C1orf141: variants seen among roughly 807,000 people sequenced by gnomAD.
C1orf141 encodes the protein chromosome 1 open reading frame 141, also known as uncharacterized protein C1orf141.
A neutral mutation model predicts 23.2 loss-of-function variants in C1orf141; 19 were observed. The ratio of observed to expected loss-of-function variants is 0.82; its 90% CI spans 0.57 to 1.20. C1orf141 has a LOEUF of 1.20. Ranked by LOEUF, C1orf141 falls within the 50% of genes most tolerant of loss-of-function variation. The pLI is 0.00. For synonymous variants in C1orf141, 153 were observed against 154.6 expected (o/e 0.99, Z 0.08); for missense variants, 469 against 455.1 (o/e 1.03, Z -0.28).
chr1:67,113,876 A>T (rs1646133320), intron 5 of C1orf141: 2 of 375,962 alleles, frequency 5.3e-6, no homozygotes, highest in South Asian at 2.2e-5. Flanking sequence ...AATATTTTTT[A>T]AAGTCTAAAG....
At chr1:67,124,708 T>C (rs1228113180) in intron 4 of C1orf141, among the ~76,000 whole-genome samples, 1 of 152,136 alleles carries the variant, frequency 6.6e-6, no homozygotes, top group African/African-American at 2.4e-5. Flanking sequence ...CAAGGTCACA[T>C]AGCTAACAAG....
At chr1:67,107,746 C>T (rs1320102047) in intron 5 of C1orf141, among the ~76,000 whole-genome samples, 5 of 152,064 alleles carry the variant, frequency 3.3e-5, no homozygotes, top group African/African-American at 9.7e-5. Flanking sequence ...AACAATTAGC[C>T]GGGCGTGGTG....
intron 4 of C1orf141, among the ~76,000 whole-genome samples, chr1:67,124,485 T>A (rs1455932292): frequency 6.6e-6 from 1 of 152,026 alleles, no homozygotes; most frequent in Non-Finnish European, 1.5e-5. Flanking sequence ...GATAATTTTT[T>A]AAAAATATAT....
intron 5 of C1orf141, among the ~76,000 whole-genome samples, chr1:67,111,083 G>T (rs1646060096): frequency 6.6e-6 from 1 of 151,900 alleles, no homozygotes; most frequent in East Asian, 1.9e-4. Flanking sequence ...TCACTCTTCA[G>T]CATGCCCATG....
rs2102511951 is a variant in C1orf141, at chr1:67,133,047, T to C, written c.-103-1820A>G. Among the ~76,000 whole-genome samples, 3 of 152,332 alleles carry C rather than the reference T, an allele frequency of 2.0e-5. No homozygotes were observed. The East Asian group carries it at 5.8e-4, about 29-fold the overall frequency. On this transcript the variant is annotated intron_variant, in intron 1 of 7. Coordinates refer to ENST00000684719, the MANE Select transcript of C1orf141 (RefSeq NM_001276351.2). Reference sequence around the variant, plus strand: ...ATTGTAGGTCAATATTATTAGCATATCAGAGACTAAGTCATATCTAAAATA... The same window carrying C: ...ATTGTAGGTCAATATTATTAGCATACCAGAGACTAAGTCATATCTAAAATA...
intron 5 of C1orf141, among the ~76,000 whole-genome samples, chr1:67,114,271 T>C (rs1280649372): frequency 1.5e-5 from 2 of 136,656 alleles, no homozygotes; most frequent in Non-Finnish European, 3.1e-5. Flanking sequence ...ACTGCCTCCA[T>C]ATACCTGGCA....
At chr1:67,129,719 T>C (rs1646483607) in intron 2 of C1orf141, among the ~76,000 whole-genome samples, 1 of 152,170 alleles carries the variant, frequency 6.6e-6, no homozygotes. Context: ...GCAGCTGAAA[T>C]TGACTGCTGT....
chr1:67,127,190 C>T lies in C1orf141; in HGVS notation c.51G>A (p.Glu17=), dbSNP rs753521865. ...CCTTTGTTCTTCTGGCCAAGATTATCTCTGCTTGCTTATCAAGGACATCCA... is the reference window on the plus strand; with the variant it reads ...CCTTTGTTCTTCTGGCCAAGATTATTTCTGCTTGCTTATCAAGGACATCCA... ...EKLDVLDKQA[E]IILARRTKIN... is the part of the protein sequence containing the mutation. The change falls in exon 3 of 8, where the codon GAG becomes GAA. Residue 17 remains glutamate, a synonymous_variant. Coordinates refer to ENST00000684719, the MANE Select transcript of C1orf141 (RefSeq NM_001276351.2). The T allele has an allele frequency of 2.0e-5, 32 of 1,609,030 alleles. No individual in the cohort carries two copies. The African/African-American group carries it at 3.9e-4, about 19-fold the overall frequency.
intron 5 of C1orf141, among the ~76,000 whole-genome samples, chr1:67,110,261 A>C (rs907669817): frequency 6.6e-6 from 1 of 152,094 alleles, no homozygotes; most frequent in South Asian, 2.1e-4. Context: ...GGGAATCAGG[A>C]GTTAGTGATT....
chr1:67,121,772 T>C (rs1421386294), intron 4 of C1orf141: 1 of 152,058 alleles, frequency 6.6e-6, no homozygotes, highest in Non-Finnish European at 1.5e-5. Flanking sequence ...ACTGTACCCA[T>C]ATAAGAGAAA....
chr1:67,132,927 A>G (rs1323652025), intron 1 of C1orf141, among the ~76,000 whole-genome samples: 1 of 152,222 alleles, frequency 6.6e-6, no homozygotes, highest in Non-Finnish European at 1.5e-5. Context: ...ACACAATGAA[A>G]TAGAGGCCAT....
At chr1:67,136,932 T>C (rs1000608769), upstream of C1orf141, among the ~76,000 whole-genome samples, 2 of 152,342 alleles carry the variant, frequency 1.3e-5, no homozygotes, top group East Asian at 1.9e-4. Flanking sequence ...AAATTCAGTA[T>C]TTACTGAATG....
Position 67,093,514 on chromosome 1 carries a change from A to G in C1orf141, c.694T>C (p.Leu232=). ...TGTGGGTAAATGTTTTCATTTTCCA[A>G]AGGATGAGAAGAAAATCTATTTTTT... is the stretch of plus-strand genomic sequence containing the variant. The part of the protein sequence containing the change: ...LTKNRFSSHP[L]ENENIYPHKR... The change falls in exon 8 of 8, where the codon TTG becomes CTG. Residue 232 remains leucine, a synonymous_variant. Coordinates refer to ENST00000684719, the MANE Select transcript of C1orf141 (RefSeq NM_001276351.2). 6.2e-7 allele frequency: 1 copy of G among 1,606,630 alleles called. No homozygotes were observed. Among genetic ancestry groups the G allele is most frequent in the Non-Finnish European group, 8.5e-7 (1 of 1,174,886 alleles).
chr1:67,127,303 A>G (rs2102497091), intron 2 of C1orf141, 46 bp from the exon 3 acceptor site: 1 of 1,090,116 alleles, frequency 9.2e-7, no homozygotes, highest in South Asian at 1.4e-5. Context: ...TTCAAATTTA[A>G]ACATAAAACT....
intron 4 of C1orf141, chr1:67,123,455 G>T (rs1319328890): frequency 6.6e-6 from 1 of 151,944 alleles, no homozygotes; most frequent in African/African-American, 2.4e-5. Context: ...TTTGTCTCTT[G>T]TCATATTTTT....
chr1:67,114,398 G>T (rs1346431732), intron 5 of C1orf141, among the ~76,000 whole-genome samples: 1 of 151,880 alleles, frequency 6.6e-6, no homozygotes, highest in Admixed American at 6.6e-5. Flanking sequence ...AAGATAATAA[G>T]ACACATAAGG....
chr1:67,106,285 A>T (rs1270891522), intron 5 of C1orf141, among the ~76,000 whole-genome samples: 10 of 152,112 alleles, frequency 6.6e-5, no homozygotes, highest in Admixed American at 6.6e-4. Flanking sequence ...ATAAAAGATA[A>T]CCCAACAAGA....
Position 67,125,930 on chromosome 1 carries a change from A to G in C1orf141, c.76-21T>C, listed in dbSNP as rs1017824213. 2.1e-4 allele frequency: 42 copies of G among 200,950 alleles called. No homozygotes were observed. In the East Asian group the frequency reaches 2.4e-3, roughly 12 times the overall value. The allele number at this position is 200,950 out of a possible 1,614,324, so 12.4% of individuals were successfully genotyped here. A position where few individuals can be genotyped will look rare whatever the true frequency, so the allele number is the denominator to read the frequency against. ...TTTATCTGCAGCAATGCCAAAGTGA[A>G]AAAAAAAAAAAAAAAAAGAGTACTT... On this transcript the variant is annotated intron_variant, in intron 3 of 7. Transcript: ENST00000684719.
chr1:67,114,837 G>A (rs990454035), intron 5 of C1orf141, among the ~76,000 whole-genome samples: 7 of 152,114 alleles, frequency 4.6e-5, no homozygotes, highest in Non-Finnish European at 5.9e-5. Flanking sequence ...CACCATGCCC[G>A]GCTAATTTTT....
Sources: gnomAD v4.1 joint callset for allele counts (sites outside exome capture counted in the v4.1 genomes callset) on GRCh38, gnomAD v4.1.1 for gene constraint, MANE v1.5 for transcripts, NCBI Gene and HGNC (gene_info 2026-07-23, HGNC 2026-07-21) for gene names.